The following PARP14 variants were observed in gnomAD, a reference collection of about 807,000 sequenced individuals.
The protein encoded by PARP14 is poly(ADP-ribose) polymerase family member 14.
Under a neutral mutation model 154.2 loss-of-function variants are expected in PARP14, and 59 were observed. That is an observed-to-expected ratio of 0.38 (90% CI 0.31 to 0.48). PARP14 has a LOEUF of 0.48. PARP14 is among the 20% of genes least tolerant of loss of function. PARP14 has a pLI of 0.98. For missense variants in PARP14, 1,734 were observed against 2,131.6 expected, an observed-to-expected ratio of 0.81 and a Z score of 3.67; for synonymous variants, 720 against 780.5, an observed-to-expected ratio of 0.92 and a Z score of 1.29.
rs1434423696 is a variant in PARP14 at position 122,699,809 on chromosome 3, G to T, written c.1255G>T (p.Asp419Tyr). ...GGACACCATAAAAAATGATGTGAAA[G>T]ATGACAGGATTTTGATTGAGTTTGA... ...MWDTIKNDVK[D>Y]DRILIEFDTL... Residue 419 changes from aspartate (D) to tyrosine (Y), a missense_variant, in exon 6 of 17, where the codon GAT becomes TAT. This residue lies in a region of PARP14 where 1,646 missense variants were observed against 1,976.0 expected (regional missense o/e 0.83). Transcript: ENST00000474629. The T allele has an allele frequency of 3.1e-6, 5 of 1,614,046 alleles. No individual in the cohort carries two copies. In the South Asian group the frequency reaches 5.5e-5, roughly 18 times the overall value.
intron 5 of PARP14, among the ~76,000 whole-genome samples, chr3:122,697,874 G>T (rs1290510695): frequency 2.0e-5 from 3 of 152,222 alleles, no homozygotes; most frequent in African/African-American, 4.8e-5. Context: ...GGTGACATCT[G>T]TGATGGTTCT....
At chr3:122,682,854 C>T (rs1012900332) in intron 1 of PARP14, among the ~76,000 whole-genome samples, 11 of 152,060 alleles carry the variant, frequency 7.2e-5, no homozygotes, top group African/African-American at 2.7e-4. Flanking sequence ...AGATCGAGAC[C>T]ATCCTTGAGC....
chr3:122,696,062 C>T (rs983041445), intron 5 of PARP14, among the ~76,000 whole-genome samples: 5 of 152,226 alleles, frequency 3.3e-5, no homozygotes, highest in African/African-American at 1.2e-4. Context: ...TAAAGTACCA[C>T]TCCTTTCACC....
Position 122,718,657 on chromosome 3 carries a change from A to G in PARP14, c.4506A>G (p.Arg1502=). ...TGATTAAGGTTTTGGGAATTAGCAG[A>G]GATGTGATGCAGGCTAGAGATGAAA... ...RPLIKVLGIS[R]DVMQARDEIE... Residue 1502 remains arginine (R), a synonymous_variant, in exon 14 of 17, where the codon AGA becomes AGG. Transcript: ENST00000474629. The G allele has an allele frequency of 6.2e-7, 1 of 1,613,962 alleles. No individual in the cohort carries two copies. Among genetic ancestry groups the G allele is most frequent in the South Asian group, 1.1e-5 (1 of 91,076 alleles).
rs931894405 is a variant in PARP14 at position 122,713,712 on chromosome 3, A to G, written c.3769+139A>G. 4 of 889,058 alleles carry G rather than the reference A, an allele frequency of 4.5e-6. No homozygotes were observed. The African/African-American group carries it at 5.1e-5, about 11-fold the overall frequency. The allele number at this position is 889,058 out of a possible 1,614,324, so 55.1% of individuals were successfully genotyped here. ...TATGCTGACAGGGTTTTCCATAATTAATAATGTTTATTTTATGAAGTTTTC... is the reference window on the plus strand; with the variant it reads ...TATGCTGACAGGGTTTTCCATAATTGATAATGTTTATTTTATGAAGTTTTC... On this transcript the variant is annotated intron_variant, in intron 10 of 16. Coordinates refer to ENST00000474629, the MANE Select transcript of PARP14 (RefSeq NM_017554.3).
chr3:122,688,413 G>A (rs771837574), intron 3 of PARP14, among the ~76,000 whole-genome samples: 5 of 152,182 alleles, frequency 3.3e-5, no homozygotes, highest in South Asian at 2.1e-4. Context: ...TATTCCCAGC[G>A]AAAGCCCCAG....
Position 122,699,797 on chromosome 3 carries a change from A to C in PARP14, c.1243A>C (p.Asn415His). The C allele has an allele frequency of 6.2e-7, 1 of 1,614,006 alleles. No individual in the cohort carries two copies. Among genetic ancestry groups the C allele is most frequent in the Non-Finnish European group, 8.5e-7 (1 of 1,179,862 alleles). Residue 415 changes from asparagine to histidine, a missense_variant, in exon 6 of 17, where the codon AAT becomes CAT. By Grantham distance (68) the Asn-to-His change is moderately conservative. Transcript: ENST00000474629. ...TCCAACAATGTGGGACACCATAAAA[A>C]ATGATGTGAAAGATGACAGGATTTT... ...VDPTMWDTIK[N>H]DVKDDRILIE...
intron 15 of PARP14, among the ~76,000 whole-genome samples, chr3:122,725,266 C>T (rs549873358): frequency 3.5e-4 from 53 of 151,246 alleles, no homozygotes; most frequent in Non-Finnish European, 5.3e-4. Context: ...ACAGGGCGGC[C>T]GGGCAGAGGC....
intron 15 of PARP14, among the ~76,000 whole-genome samples, chr3:122,723,323 G>A (rs921099104): frequency 7.2e-5 from 11 of 152,096 alleles, no homozygotes; most frequent in East Asian, 3.8e-4. Flanking sequence ...GTTCACACAC[G>A]GTTTGGACAT....
At chr3:122,698,810 C>A (rs1309248852) in intron 5 of PARP14, among the ~76,000 whole-genome samples, 4 of 152,140 alleles carry the variant, frequency 2.6e-5, no homozygotes, top group Non-Finnish European at 1.5e-5. Flanking sequence ...TCTAAGTCAA[C>A]TTTGAAGCCT....
In PARP14 at chr3:122,704,591, C is replaced by G; in HGVS notation, c.3383C>G (p.Ala1128Gly). The G allele has an allele frequency of 6.2e-7, 1 of 1,608,474 alleles. No individual in the cohort carries two copies. The highest frequency in any genetic ancestry group is 2.2e-5 in the East Asian group (1 of 44,790). Residue 1128 changes from alanine to glycine, a missense_variant, in exon 8 of 17, where the codon GCA becomes GGA. Ala to Gly is a moderately conservative substitution (Grantham distance 60). This residue lies in a region of PARP14 where 1,646 missense variants were observed against 1,976.0 expected (regional missense o/e 0.83). Coordinates refer to ENST00000474629, the MANE Select transcript of PARP14 (RefSeq NM_017554.3). The part of the protein sequence containing the change: ...ITESLSLKSI[A>G]FPAIGTGNLG... ...GAGAGCTTGTCCTTAAAATCAATTG[C>G]ATTTCCAGCAATAGGAACAGGAAAC... is the stretch of plus-strand genomic sequence containing the variant.
chr3:122,681,465 A>C lies in PARP14; in HGVS notation c.187+395A>C, dbSNP rs1014096010. On this transcript the variant is annotated intron_variant, in intron 1 of 16. Coordinates refer to ENST00000474629, the MANE Select transcript of PARP14 (RefSeq NM_017554.3). The surrounding 1 kb of genome is among the most constrained non-coding windows in gnomAD (Gnocchi z 5.5). ...TGTTATTATTCTTGTGTGGGGAAGG[A>C]AACTGATTAAGAAACGTGGCAAGTC... Among the ~76,000 whole-genome samples, 1 of 152,174 alleles carries C rather than the reference A, an allele frequency of 6.6e-6. No individual in the cohort carries two copies. Among genetic ancestry groups the C allele is most frequent in the South Asian group, 2.1e-4 (1 of 4,824 alleles).
intron 5 of PARP14, 59 bp downstream of exon 5, chr3:122,695,721 A>G (rs1938751327): frequency 5.3e-6 from 4 of 754,958 alleles, no homozygotes; most frequent in Non-Finnish European, 4.5e-6. Context: ...GCAGAGCTTA[A>G]TAGTTATAAA....
At chr3:122,725,760 G>C (rs1399763174) in intron 15 of PARP14, among the ~76,000 whole-genome samples, 2 of 152,070 alleles carry the variant, frequency 1.3e-5, no homozygotes, top group African/African-American at 4.8e-5. Context: ...CTTTTAACTA[G>C]AGTACTTAAT....
chr3:122,694,448 T>A (rs964177635), intron 4 of PARP14, among the ~76,000 whole-genome samples: 1 of 152,196 alleles, frequency 6.6e-6, no homozygotes, highest in Admixed American at 6.5e-5. Context: ...ACATGGATGA[T>A]GCACTGGCAA....
In PARP14 at chr3:122,714,319, A is replaced by G. The variant is rs199625734; in HGVS notation, c.3890A>G (p.Asn1297Ser). The change falls in exon 12 of 17, where the codon AAT becomes AGT. Residue 1297 changes from asparagine to serine, a missense_variant. Asn to Ser is a conservative substitution (Grantham distance 46). Transcript: ENST00000474629. ...ITGGGFLRCK[N>S]IIHVIGGNDV... is the part of the protein sequence containing the mutation. The stretch of plus-strand genomic sequence containing the variant: ...GGAGGTGGATTTTTGAGGTGCAAGA[A>G]TATCATTCATGTAATTGGTGGAAAT... 1.8e-4 allele frequency: 294 copies of G among 1,601,150 alleles called. No homozygotes were observed. The highest frequency in any genetic ancestry group is 1.7e-4 in the Middle Eastern group (1 of 6,044).
In PARP14 at chr3:122,692,504, G is replaced by A; in HGVS notation, c.559G>A (p.Asp187Asn). The stretch of plus-strand genomic sequence containing the variant: ...TGACTTTCAAGTGGAAATAATAAGA[G>A]ATTTTGATGTTGCTGTTGTTACCTT... ...NDDFQVEIIR[D>N]FDVAVVTFQK... The change falls in exon 4 of 17, where the codon GAT (aspartate) becomes AAT (asparagine). Residue 187 changes from aspartate (D) to asparagine (N), a missense_variant. By Grantham distance (23) the Asp-to-Asn change is conservative (BLOSUM62 1). Around this residue, in one of 2 missense-constraint regions of PARP14, gnomAD observed 1,646 missense variants for 1,976.0 expected, o/e 0.83. Coordinates refer to ENST00000474629, the MANE Select transcript of PARP14 (RefSeq NM_017554.3). 1 of 1,612,578 alleles carries A rather than the reference G, an allele frequency of 6.2e-7. No homozygotes were observed.
intron 1 of PARP14, among the ~76,000 whole-genome samples, chr3:122,682,776 G>A (rs566751125): frequency 2.8e-4 from 42 of 152,246 alleles, no homozygotes; most frequent in Admixed American, 2.4e-3. Flanking sequence ...AACCGGCCGG[G>A]CGTGGTGGCT....
Position 122,701,144 on chromosome 3 carries a change from GCCAC to G in PARP14, c.2592_2595del (p.Thr865SerfsTer12). 6.2e-7 allele frequency: 1 copy of G among 1,613,980 alleles called. No individual in the cohort carries two copies. The highest frequency in any genetic ancestry group is 2.2e-5 in the East Asian group (1 of 44,876). ...AGAGGGCAGACTCCTACCGGGCAAT[GCCAC>G]CATCTCCAAGGCAGGAAAGCTGCCC... is the stretch of plus-strand genomic sequence containing the variant. On this transcript the variant is annotated frameshift_variant, in exon 6 of 17. Transcript: ENST00000474629. LOFTEE classifies it high-confidence loss of function. This position sits in a 1 kb window ranked among gnomAD's most constrained non-coding sequence, Gnocchi z 4.0.
Sources: gnomAD v4.1 joint callset for allele counts (sites outside exome capture counted in the v4.1 genomes callset) on GRCh38, gnomAD v4.1.1 for gene constraint, gnomAD v4.1.1 regional missense constraint, Gnocchi (gnomAD v3.1) non-coding constraint, MANE v1.5 for transcripts, NCBI Gene and HGNC (gene_info 2026-07-23, HGNC 2026-07-21) for gene names.